SHANK2: variants seen among roughly 807,000 people sequenced by gnomAD.
SHANK2 encodes SH3 and multiple ankyrin repeat domains protein 2.
A neutral mutation model predicts 133.7 loss-of-function variants in SHANK2; 43 were observed. The observed-to-expected ratio is 0.32, with a 90% CI of 0.25 to 0.41. The LOEUF is 0.41. SHANK2 is among the 10% of genes least tolerant of loss of function. The pLI, the probability that SHANK2 is intolerant of heterozygous loss-of-function variation, is 1.00. For synonymous variants in SHANK2, 1,017 were observed against 952.8 expected (o/e 1.07, Z -1.24); for missense variants, 1,994 against 2,235.8 (o/e 0.89, Z 2.18).
chr11:71,212,653 C>CT (rs58398668), intron 2 of SHANK2, among the ~76,000 whole-genome samples: 3,881 of 152,312 alleles, frequency 0.025, 158 homozygotes, highest in African/African-American at 0.089. Context: ...AATGAGCATG[C>CT]TGAACACAAT....
At chr11:71,080,746 G>A (rs1304732821) in intron 8 of SHANK2, among the ~76,000 whole-genome samples, 1 of 152,136 alleles carries the variant, frequency 6.6e-6, no homozygotes, top group Non-Finnish European at 1.5e-5. Context: ...GAGAAACAAC[G>A]TCTCGTCCAA....
intron 14 of SHANK2, among the ~76,000 whole-genome samples, chr11:70,728,058 A>G (rs1268570101): frequency 6.6e-6 from 1 of 152,244 alleles, no homozygotes; most frequent in Non-Finnish European, 1.5e-5. Context: ...GTAAATGAAT[A>G]TGCAAGCACC....
At chr11:70,623,687 G>T (rs1474066394) in intron 17 of SHANK2, among the ~76,000 whole-genome samples, 3 of 152,212 alleles carry the variant, frequency 2.0e-5, no homozygotes, top group African/African-American at 7.2e-5. Context: ...TCAATTAATT[G>T]ATATTAAATA....
intron 3 of SHANK2, among the ~76,000 whole-genome samples, chr11:71,135,367 T>A (rs1159109539): frequency 1.3e-5 from 2 of 151,166 alleles, no homozygotes; most frequent in African/African-American, 4.9e-5. Context: ...AGCTGTGAAA[T>A]CCCCCTGTAA....
Position 70,889,619 on chromosome 11 carries a change from G to A in SHANK2, c.1174+6882C>T, listed in dbSNP as rs182258463. Reference sequence around the variant, plus strand: ...AAACCGCAGTTCCAGAGGAACCCTCGACCACTGAGTCAGACTCTGATGGTG... The same window carrying A: ...AAACCGCAGTTCCAGAGGAACCCTCAACCACTGAGTCAGACTCTGATGGTG... On this transcript the variant is annotated intron_variant, in intron 11 of 25. Transcript: ENST00000601538. Among the ~76,000 whole-genome samples, 115 of 152,300 alleles carry A rather than the reference G, an allele frequency of 7.6e-4. 1 individual carries two copies. The highest frequency in any genetic ancestry group is 3.3e-4 in the Admixed American group (5 of 15,302).
chr11:71,180,766 G>A (rs890666550), intron 2 of SHANK2, among the ~76,000 whole-genome samples: 6 of 152,048 alleles, frequency 3.9e-5, no homozygotes, highest in Non-Finnish European at 8.8e-5. Context: ...AGGAAGTGCT[G>A]AAGCTACAAC....
chr11:70,894,137 T>C (rs1416973342), intron 11 of SHANK2, among the ~76,000 whole-genome samples: 1 of 152,250 alleles, frequency 6.6e-6, no homozygotes, highest in Non-Finnish European at 1.5e-5. Context: ...AGGTGGATTG[T>C]GAAATCAACT....
intron 15 of SHANK2, among the ~76,000 whole-genome samples, chr11:70,677,038 C>T (rs368044074): frequency 3.9e-5 from 6 of 152,318 alleles, no homozygotes; most frequent in African/African-American, 1.2e-4. Flanking sequence ...ACTTGTACAT[C>T]ACAGGGCTGG....
chr11:70,740,506 T>C (rs1007429026), intron 14 of SHANK2, among the ~76,000 whole-genome samples: 1 of 152,094 alleles, frequency 6.6e-6, no homozygotes, highest in East Asian at 1.9e-4. Context: ...AAATCCTCGG[T>C]TGTAAACAGG....
At chr11:70,504,542 C>T (rs903456365) in intron 17 of SHANK2, among the ~76,000 whole-genome samples, 4 of 152,162 alleles carry the variant, frequency 2.6e-5, no homozygotes, top group Admixed American at 1.3e-4. Context: ...CAGACCCACC[C>T]GGTTTCAGCA....
intron 10 of SHANK2, among the ~76,000 whole-genome samples, chr11:70,933,938 C>CAAAA (rs1565414298): frequency 8.8e-5 from 13 of 147,802 alleles, no homozygotes; most frequent in African/African-American, 2.8e-4. Context: ...AACAAACAAA[C>CAAAA]AAAACAACAA....
chr11:70,947,568 G>A (rs552258722), intron 10 of SHANK2, among the ~76,000 whole-genome samples: 71 of 152,230 alleles, frequency 4.7e-4, no homozygotes, highest in African/African-American at 1.6e-3. Context: ...GTTTCACCAT[G>A]TTGGCCAGGA....
At chr11:70,674,513 T>C (rs1445422376) in intron 15 of SHANK2, among the ~76,000 whole-genome samples, 1 of 152,246 alleles carries the variant, frequency 6.6e-6, no homozygotes, top group African/African-American at 2.4e-5. Context: ...CAGGCCTGTC[T>C]ACTTTTTGTA....
At chr11:70,923,627 A>G (rs1421453080) in intron 10 of SHANK2, among the ~76,000 whole-genome samples, 10 of 152,302 alleles carry the variant, frequency 6.6e-5, no homozygotes, top group Non-Finnish European at 8.8e-5. Flanking sequence ...CAGTTCACTG[A>G]TAACTCCACC....
chr11:70,813,096 C>T (rs534637717), intron 12 of SHANK2, among the ~76,000 whole-genome samples: 70 of 151,974 alleles, frequency 4.6e-4, no homozygotes, highest in African/African-American at 1.5e-3. Context: ...TCTGCAGACC[C>T]CCGTGAATGG....
intron 10 of SHANK2, among the ~76,000 whole-genome samples, chr11:70,929,209 G>A (rs1203715122): frequency 6.6e-6 from 1 of 152,218 alleles, no homozygotes; most frequent in African/African-American, 2.4e-5. Flanking sequence ...TATCTGAGGG[G>A]TAGAATGGAG....
At chr11:70,743,408 C>A (rs2510301) in intron 14 of SHANK2, among the ~76,000 whole-genome samples, 1 of 152,182 alleles carries the variant, frequency 6.6e-6, no homozygotes, top group African/African-American at 2.4e-5. Flanking sequence ...CCCCCCAATG[C>A]GAGCACATGG....
intron 8 of SHANK2, among the ~76,000 whole-genome samples, chr11:71,081,986 C>T (rs905974128): frequency 2.6e-5 from 4 of 152,216 alleles, no homozygotes; most frequent in Non-Finnish European, 4.4e-5. Flanking sequence ...CCTGCCAGCA[C>T]CCACGTCCCA....
intron 8 of SHANK2, among the ~76,000 whole-genome samples, chr11:71,078,164 G>C (rs1951245871): frequency 9.0e-6 from 1 of 111,558 alleles, no homozygotes; most frequent in Non-Finnish European, 2.0e-5. Context: ...CAGAAATAAA[G>C]GAAATGGTAA....
Sources: gnomAD v4.1 joint callset for allele counts (sites outside exome capture counted in the v4.1 genomes callset) on GRCh38, gnomAD v4.1.1 for gene constraint, MANE v1.5 for transcripts, NCBI Gene and HGNC (gene_info 2026-07-23, HGNC 2026-07-21) for gene names.